Variants in LHFPL3 observed in about 807,000 individuals in gnomAD.
LHFPL3 encodes LHFPL tetraspan subfamily member 3 protein.
In LHFPL3, 5 loss-of-function variants were observed where a neutral mutation model predicts 19.3. The ratio of observed to expected loss-of-function variants is 0.26; its 90% CI spans 0.14 to 0.54. The LOEUF (loss-of-function observed/expected upper bound fraction) is 0.54, where lower values mean the gene tolerates loss of function less well. LHFPL3 is among the 20% of genes least tolerant of loss of function. The pLI is 0.94. For missense variants in LHFPL3, 249 were observed against 307.4 expected, an observed-to-expected ratio of 0.81 and a Z score of 1.42; for synonymous variants, 133 against 126.2, an observed-to-expected ratio of 1.05 and a Z score of -0.36.
At chr7:104,844,764 G>A (rs893931575) in intron 2 of LHFPL3, among the ~76,000 whole-genome samples, 19 of 151,986 alleles carry the variant, frequency 1.3e-4, no homozygotes, top group African/African-American at 4.1e-4. Context: ...TTTTTGAGAC[G>A]CAATTTTGCT....
chr7:104,340,935 C>A (rs189653771), intron 1 of LHFPL3, among the ~76,000 whole-genome samples: 4 of 152,210 alleles, frequency 2.6e-5, no homozygotes, highest in African/African-American at 7.2e-5. Flanking sequence ...GAATGCATGG[C>A]AAAACAGTTT....
chr7:104,640,069 G>C (rs1791803001), intron 1 of LHFPL3, among the ~76,000 whole-genome samples: 1 of 151,982 alleles, frequency 6.6e-6, no homozygotes, highest in South Asian at 2.1e-4. Context: ...AATGACATTG[G>C]GTTTCCTATA....
intron 1 of LHFPL3, among the ~76,000 whole-genome samples, chr7:104,662,264 G>A (rs902962156): frequency 6.6e-6 from 1 of 152,104 alleles, no homozygotes; most frequent in Non-Finnish European, 1.5e-5. Flanking sequence ...GAATTTTATG[G>A]TTCAGTTCTG....
chr7:104,867,785 T>A (rs1195846500), intron 2 of LHFPL3, among the ~76,000 whole-genome samples: 1 of 152,154 alleles, frequency 6.6e-6, no homozygotes, highest in Non-Finnish European at 1.5e-5. Context: ...AAAAAGAGAA[T>A]TTTAGACCAA....
chr7:104,686,709 C>T (rs564015542), intron 1 of LHFPL3, among the ~76,000 whole-genome samples: 1 of 152,328 alleles, frequency 6.6e-6, no homozygotes, highest in East Asian at 1.9e-4. Flanking sequence ...AGTACTTCAA[C>T]TGACCAGCTA....
chr7:104,739,980 T>G (rs1793902263), intron 2 of LHFPL3, among the ~76,000 whole-genome samples: 1 of 152,204 alleles, frequency 6.6e-6, no homozygotes, highest in South Asian at 2.1e-4. Context: ...TTCCACGTGT[T>G]GGGAAAGGGA....
intron 1 of LHFPL3, among the ~76,000 whole-genome samples, chr7:104,491,158 G>C (rs1793340217): frequency 6.8e-6 from 1 of 147,582 alleles, no homozygotes; most frequent in Non-Finnish European, 1.5e-5. Flanking sequence ...ACCAGAGGCT[G>C]TAACACTGTG....
chr7:104,557,085 A>G (rs1343489673), intron 1 of LHFPL3, among the ~76,000 whole-genome samples: 2 of 152,138 alleles, frequency 1.3e-5, no homozygotes, highest in African/African-American at 4.8e-5. Context: ...AAGTTTCTAG[A>G]GAGTTCCAAA....
intron 2 of LHFPL3, among the ~76,000 whole-genome samples, chr7:104,840,170 A>T (rs965604017): frequency 6.6e-6 from 1 of 151,944 alleles, no homozygotes; most frequent in African/African-American, 2.4e-5. Context: ...TACCAAGTTC[A>T]CATCCAGCCC....
At chr7:104,801,680 T>TCTGTC (rs1017584860) in intron 2 of LHFPL3, among the ~76,000 whole-genome samples, 17 of 152,052 alleles carry the variant, frequency 1.1e-4, no homozygotes, top group African/African-American at 3.9e-4. Context: ...AAGGAATTCT[T>TCTGTC]CTGTCTCAGC....
At chr7:104,902,344 G>C (rs182311919) in intron 2 of LHFPL3, among the ~76,000 whole-genome samples, 4 of 151,722 alleles carry the variant, frequency 2.6e-5, no homozygotes, top group Non-Finnish European at 5.9e-5. Context: ...TGATTGTGCC[G>C]CTGTAGTCAA....
chr7:104,496,332 G>A (rs1467025889), intron 1 of LHFPL3, among the ~76,000 whole-genome samples: 1 of 152,198 alleles, frequency 6.6e-6, no homozygotes, highest in African/African-American at 2.4e-5. Context: ...GTATTCCATG[G>A]TGTATATGTG....
At chr7:104,521,262 G>A (rs1794054086) in intron 1 of LHFPL3, among the ~76,000 whole-genome samples, 1 of 152,150 alleles carries the variant, frequency 6.6e-6, no homozygotes. Flanking sequence ...GTGGTTTTGA[G>A]TGAGATTCTT....
chr7:104,809,834 T>C (rs1790431839), intron 2 of LHFPL3, among the ~76,000 whole-genome samples: 1 of 152,196 alleles, frequency 6.6e-6, no homozygotes, highest in Non-Finnish European at 1.5e-5. Flanking sequence ...ACCAAGGATA[T>C]GCTATGCACA....
At chr7:104,503,806 G>A (rs1793647451) in intron 1 of LHFPL3, among the ~76,000 whole-genome samples, 1 of 152,134 alleles carries the variant, frequency 6.6e-6, no homozygotes, top group African/African-American at 2.4e-5. Flanking sequence ...CAGGGCTCAA[G>A]CAATCTGCTC....
intron 2 of LHFPL3, among the ~76,000 whole-genome samples, chr7:104,852,719 ATTG>A (rs1363648154): frequency 6.6e-6 from 1 of 152,190 alleles, no homozygotes; most frequent in Non-Finnish European, 1.5e-5. Context: ...CAGTCTTGAC[ATTG>A]TTAATAGTCG....
intron 2 of LHFPL3, among the ~76,000 whole-genome samples, chr7:104,801,511 T>C (rs898996892): frequency 1.3e-5 from 2 of 152,212 alleles, no homozygotes; most frequent in Non-Finnish European, 2.9e-5. Context: ...GATATTTCTC[T>C]AGTTAGCACC....
At chr7:104,824,955 T>G (rs889089239) in intron 2 of LHFPL3, among the ~76,000 whole-genome samples, 5 of 144,646 alleles carry the variant, frequency 3.5e-5, no homozygotes, top group African/African-American at 1.3e-4. Flanking sequence ...GTTTAGGAGC[T>G]TTGGAAGCCC....
intron 1 of LHFPL3, among the ~76,000 whole-genome samples, chr7:104,498,265 T>C (rs1357149964): frequency 6.6e-6 from 1 of 152,164 alleles, no homozygotes; most frequent in Middle Eastern, 3.2e-3. Flanking sequence ...CAGCCACCGC[T>C]ACCATGACTG....
Sources: allele counts gnomAD v4.1 joint callset (sites outside exome capture counted in the v4.1 genomes callset), GRCh38; gene constraint gnomAD v4.1.1; transcripts MANE v1.5; gene names NCBI Gene and HGNC (gene_info 2026-07-23, HGNC 2026-07-21).